The following SLC2A12 variants were observed in gnomAD, a reference collection of about 807,000 sequenced individuals.
The protein encoded by SLC2A12 is solute carrier family 2, facilitated glucose transporter member 12.
Under a neutral mutation model 41.8 loss-of-function variants are expected in SLC2A12, and 23 were observed. That is an observed-to-expected ratio of 0.55 (90% CI 0.40 to 0.78). SLC2A12 has a LOEUF of 0.78. Ranked by LOEUF, SLC2A12 falls within the 30% of genes least tolerant of loss-of-function variation. The pLI, the probability that SLC2A12 is intolerant of heterozygous loss-of-function variation, is 0.00. For synonymous variants in SLC2A12, 295 were observed against 285.9 expected, an observed-to-expected ratio of 1.03 and a Z score of -0.32; for missense variants, 654 against 745.6, an observed-to-expected ratio of 0.88 and a Z score of 1.43.
At chr6:134,010,144 T>C (rs942697090) in intron 2 of SLC2A12, among the ~76,000 whole-genome samples, 4 of 152,208 alleles carry the variant, frequency 2.6e-5, no homozygotes, top group Non-Finnish European at 4.4e-5. Context: ...GAGGTATGAA[T>C]CATTACATGG....
intron 4 of SLC2A12, 103 bp downstream of exon 4, chr6:134,001,894 C>T (rs1776757990): frequency 2.4e-6 from 3 of 1,246,308 alleles, no homozygotes; most frequent in Admixed American, 5.4e-5. Flanking sequence ...ATGTCCTAAT[C>T]TAATAATATC....
chr6:134,007,487 G>T (rs1463150880), intron 2 of SLC2A12, among the ~76,000 whole-genome samples: 4 of 152,202 alleles, frequency 2.6e-5, no homozygotes, highest in Non-Finnish European at 1.5e-5. Context: ...CAAGCTGGAT[G>T]GAGAGAAGTT....
chr6:133,993,354 G>A (rs367922811), intron 4 of SLC2A12, among the ~76,000 whole-genome samples: 9 of 152,002 alleles, frequency 5.9e-5, no homozygotes, highest in Admixed American at 3.3e-4. Context: ...CTCCAAATCC[G>A]AGCTCTATTC....
At chr6:134,050,817 G>T (rs767531179) in intron 1 of SLC2A12, among the ~76,000 whole-genome samples, 1 of 152,164 alleles carries the variant, frequency 6.6e-6, no homozygotes, top group Non-Finnish European at 1.5e-5. Flanking sequence ...TCCCTTGCCT[G>T]CTCTTAGGGA....
chr6:133,991,221 C>T lies in SLC2A12; in HGVS notation c.1788G>A (p.Glu596=), dbSNP rs1043191208. Residue 596 remains glutamate, a synonymous_variant, in exon 5 of 5, where the codon GAG becomes GAA. Coordinates refer to ENST00000275230, the MANE Select transcript of SLC2A12 (RefSeq NM_145176.3). ...PKQPQKRKPQ[E]QLLECNKLCG... ...ACAGCTTGTTACACTCCAAGAGCTG[C>T]TCCTGGGGTTTTCTTTTTTGAGGCT... 4 of 1,613,980 alleles carry T rather than the reference C, an allele frequency of 2.5e-6. No homozygotes were observed. Among genetic ancestry groups the T allele is most frequent in the Non-Finnish European group, 3.4e-6 (4 of 1,180,018 alleles).
Position 134,052,519 on chromosome 6 carries a change from C to T in SLC2A12, c.-39G>A. The T allele has an allele frequency of 6.6e-7, 1 of 1,525,320 alleles. No individual in the cohort carries two copies. The allele number at this position is 1,525,320 out of a possible 1,614,324, so 94.5% of individuals were successfully genotyped here. On this transcript the variant is annotated 5_prime_UTR_variant, in exon 1 of 5. Transcript: ENST00000275230. The stretch of plus-strand genomic sequence containing the variant: ...TTACAGCCGCTTCCCCGCCACCAAA[C>T]CGCCCCGACCACCCCCGCTCCCAGG...
chr6:133,988,304 T>C lies in SLC2A12; in HGVS notation c.*2851A>G, dbSNP rs566866737. On this transcript the variant is annotated 3_prime_UTR_variant, in exon 5 of 5. Transcript: ENST00000275230. ...TCACCCAGGAGCCCTGATGTGGTAA[T>C]ACAGGATCAAGCTGTAGTTGTGCCC... 1 of 152,360 alleles carries C rather than the reference T, an allele frequency of 6.6e-6. No homozygotes were observed. Among genetic ancestry groups the C allele is most frequent in the African/African-American group, 2.4e-5 (1 of 41,590 alleles). The allele number at this position is 152,360 out of a possible 1,614,324, so 9.4% of individuals were successfully genotyped here.
At position 134,021,950 on chromosome 6, in the gene SLC2A12, C is replaced by T. The variant is rs1461340309; in HGVS notation, c.1444+6431G>A. Among the ~76,000 whole-genome samples, 14 of 152,298 alleles carry T rather than the reference C, an allele frequency of 9.2e-5. No individual in the cohort carries two copies. In the East Asian group the frequency reaches 2.7e-3, roughly 29 times the overall value. The stretch of plus-strand genomic sequence containing the variant: ...TGTGGAGCAGTGGGGAATAAACCCA[C>T]ACTGATAAAGTATTGCCTCATTGCA... On this transcript the variant is annotated intron_variant, in intron 2 of 4. Coordinates refer to ENST00000275230, the MANE Select transcript of SLC2A12 (RefSeq NM_145176.3).
chr6:134,021,756 T>C (rs781695546), intron 2 of SLC2A12, among the ~76,000 whole-genome samples: 11 of 152,186 alleles, frequency 7.2e-5, no homozygotes, highest in South Asian at 2.1e-4. Flanking sequence ...CAGAACTGAA[T>C]TACTCTAGAA....
chr6:134,039,974 G>T lies in SLC2A12; in HGVS notation c.104-10253C>A, dbSNP rs114049595. Among the ~76,000 whole-genome samples, 854 of 151,888 alleles carry T rather than the reference G, an allele frequency of 5.6e-3. 13 individuals carry two copies. Among genetic ancestry groups the T allele is most frequent in the African/African-American group, 0.019 (801 of 41,450 alleles). On this transcript the variant is annotated intron_variant, in intron 1 of 4. Transcript: ENST00000275230. ...CCTCCCCAGAAGCAGATGTCACTAT[G>T]CTTCCTGAATAACCTGCAGAATGGT...
Position 134,001,165 on chromosome 6 carries a change from T to C in SLC2A12, c.1700+832A>G, listed in dbSNP as rs1270463423. On this transcript the variant is annotated intron_variant, in intron 4 of 4. Transcript: ENST00000275230. ...GGTTGGGGACTGGGTGGGGGAAGCA[T>C]TGGGGGGTGGTGGGGGATAAAAGAC... 1.0e-4 allele frequency among the ~76,000 whole-genome samples: 15 copies of C among 150,076 alleles called. 1 individual carries two copies. The East Asian group carries it at 1.4e-3, about 14-fold the overall frequency.
At chr6:134,044,520 C>G (rs1049321633) in intron 1 of SLC2A12, among the ~76,000 whole-genome samples, 3 of 152,024 alleles carry the variant, frequency 2.0e-5, no homozygotes, top group African/African-American at 7.2e-5. Flanking sequence ...TTGAGACCAG[C>G]CTGGCCAACA....
chr6:134,048,065 C>A (rs917953222), intron 1 of SLC2A12, among the ~76,000 whole-genome samples: 2 of 152,204 alleles, frequency 1.3e-5, no homozygotes, highest in Non-Finnish European at 2.9e-5. Flanking sequence ...AGAAACATCT[C>A]CCACCATGTT....
Position 134,006,176 on chromosome 6 carries a change from G to GAAA in SLC2A12, c.1567+633_1567+635dup, listed in dbSNP as rs1182572567. ...CCTGGGCAACAGAGAGAGACTATCG[G>GAAA]AAAAAAAAAAAAAAAACAAAAAAAA... On this transcript the variant is annotated intron_variant, in intron 3 of 4. Transcript: ENST00000275230. Among the ~76,000 whole-genome samples the GAAA allele has an allele frequency of 9.7e-3, 597 of 61,708 alleles. 38 individuals carry two copies. The highest frequency in any genetic ancestry group is 0.03 in the African/African-American group (530 of 17,614). 40.5% of individuals were successfully genotyped at this position (61,708 alleles called of 152,430 possible). A position where few individuals can be genotyped will look rare whatever the true frequency, so the allele number is the denominator to read the frequency against.
intron 4 of SLC2A12, among the ~76,000 whole-genome samples, chr6:133,997,710 C>A (rs561681393): frequency 6.5e-4 from 99 of 152,224 alleles, no homozygotes; most frequent in African/African-American, 2.3e-3. Flanking sequence ...ATGTTCACTA[C>A]CTGGGTGACA....
chr6:134,042,715 A>C (rs1777399387), intron 1 of SLC2A12, among the ~76,000 whole-genome samples: 1 of 152,134 alleles, frequency 6.6e-6, no homozygotes, highest in African/African-American at 2.4e-5. Flanking sequence ...CTGTAATCCC[A>C]GCACTTTGGG....
rs772229488 is a variant in SLC2A12, at chr6:134,028,533, T to TC, written c.1291dup (p.Glu431GlyfsTer16). ...ATTTAGCAAGGATGCTGAGGTCGTCTCCCCTCTCTTATCCACATCATTTCT... is the reference window on the plus strand; with the variant it reads ...ATTTAGCAAGGATGCTGAGGTCGTCTCCCCCTCTCTTATCCACATCATTTCT... On this transcript the variant is annotated frameshift_variant, in exon 2 of 5. Coordinates refer to ENST00000275230, the MANE Select transcript of SLC2A12 (RefSeq NM_145176.3). LOFTEE classifies it high-confidence loss of function. The TC allele has an allele frequency of 1.6e-5, 26 of 1,614,066 alleles. No homozygotes were observed. Among genetic ancestry groups the TC allele is most frequent in the Non-Finnish European group, 2.2e-5 (26 of 1,180,026 alleles).
intron 2 of SLC2A12, among the ~76,000 whole-genome samples, chr6:134,022,336 G>A (rs1777051202): frequency 6.6e-6 from 1 of 152,074 alleles, no homozygotes; most frequent in African/African-American, 2.4e-5. Context: ...TTCAAGACCA[G>A]CCTGGCCAAC....
In SLC2A12 at chr6:134,052,564, A is replaced by C. The variant is rs548921106; in HGVS notation, c.-84T>G. The C allele has an allele frequency of 6.3e-4, 629 of 1,005,536 alleles. 8 individuals are homozygous for C. In the South Asian group the frequency reaches 8.4e-3, roughly 13 times the overall value. The allele number at this position is 1,005,536 out of a possible 1,614,324, so 62.3% of individuals were successfully genotyped here. On this transcript the variant is annotated 5_prime_UTR_variant, in exon 1 of 5. Coordinates refer to ENST00000275230, the MANE Select transcript of SLC2A12 (RefSeq NM_145176.3). ...CCCAGGAGTGGTCACTTTCCCCATAATAGCATGCTAAAGAAGAGTGTGGGG... is the reference window on the plus strand; with the variant it reads ...CCCAGGAGTGGTCACTTTCCCCATACTAGCATGCTAAAGAAGAGTGTGGGG...
Sources: gnomAD v4.1 joint callset for allele counts (sites outside exome capture counted in the v4.1 genomes callset) on GRCh38, gnomAD v4.1.1 for gene constraint, MANE v1.5 for transcripts, NCBI Gene and HGNC (gene_info 2026-07-23, HGNC 2026-07-21) for gene names.